The following KCNH1 variants were observed in gnomAD, a reference collection of about 807,000 sequenced individuals.
The protein encoded by KCNH1 is voltage-gated delayed rectifier potassium channel KCNH1.
Under a neutral mutation model 69.2 loss-of-function variants are expected in KCNH1, and 27 were observed. That is an observed-to-expected ratio of 0.39 (90% confidence interval 0.29 to 0.54). KCNH1 has a LOEUF of 0.54. Among genes scored for constraint, KCNH1 ranks in the 20% least tolerant of loss-of-function variants. The pLI, the probability that KCNH1 is intolerant of heterozygous loss-of-function variation, is 0.68. For synonymous variants in KCNH1, 456 were observed against 487.7 expected (o/e 0.93, Z 0.86); for missense variants, 798 against 1,261.6 (o/e 0.63, Z 5.57).
chr1:210,754,501 C>T (rs960824775), intron 10 of KCNH1, among the ~76,000 whole-genome samples: 3 of 151,726 alleles, frequency 2.0e-5, no homozygotes, highest in Non-Finnish European at 4.4e-5. Flanking sequence ...AGGTGGGGGC[C>T]GATAGGAGGT....
chr1:210,867,908 T>A (rs1686149939), intron 7 of KCNH1, among the ~76,000 whole-genome samples: 1 of 152,052 alleles, frequency 6.6e-6, no homozygotes, highest in Non-Finnish European at 1.5e-5. Flanking sequence ...CTAAAGTTTG[T>A]TTTGCACTCA....
In KCNH1 at chr1:211,048,102, C is replaced by T. The variant is rs537807133; in HGVS notation, c.559-28846G>A. Among the ~76,000 whole-genome samples, 123 of 152,144 alleles carry T rather than the reference C, an allele frequency of 8.1e-4. 8 individuals carry two copies. Among genetic ancestry groups the T allele is most frequent in the Non-Finnish European group, 2.8e-4 (19 of 68,016 alleles). On this transcript the variant is annotated intron_variant, in intron 5 of 10. Transcript: ENST00000271751. ...AAAAATGCTCAACATCACAAATTAT[C>T]AGGGAAATGCAAATCAAAACCACAA...
At chr1:210,873,398 C>T (rs1011618932) in intron 7 of KCNH1, among the ~76,000 whole-genome samples, 1 of 152,044 alleles carries the variant, frequency 6.6e-6, no homozygotes, top group African/African-American at 2.4e-5. Flanking sequence ...TCCAGGCTGG[C>T]GTTCAGTAGG....
chr1:211,133,770 G>T lies in KCNH1; in HGVS notation c.79+97C>A. The T allele has an allele frequency of 8.6e-7, 1 of 1,167,000 alleles. No individual in the cohort carries two copies. Among genetic ancestry groups the T allele is most frequent in the Non-Finnish European group, 1.3e-6 (1 of 795,526 alleles). The allele number at this position is 1,167,000 out of a possible 1,614,324, so 72.3% of individuals were successfully genotyped here. ...CCGCGGCTCCTTAGCAGAGCTCGCG[G>T]GTTCTGCTGCATCTGCTGGCTCCGA... On this transcript the variant is annotated intron_variant, in intron 1 of 10. Coordinates refer to ENST00000271751, the MANE Select transcript of KCNH1 (RefSeq NM_172362.3). This position sits in a 1 kb window ranked among gnomAD's most constrained non-coding sequence, Gnocchi z 5.4.
rs984171954 is a variant in KCNH1, at chr1:210,861,565, T to C, written c.1463-57399A>G. 6 of 772,208 alleles carry C rather than the reference T, an allele frequency of 7.8e-6. No individual in the cohort carries two copies. In the African/African-American group the frequency reaches 1.0e-4, roughly 13 times the overall value. The allele number at this position is 772,208 out of a possible 1,614,324, so 47.8% of individuals were successfully genotyped here. A position where few individuals can be genotyped will look rare whatever the true frequency, so the allele number is the denominator to read the frequency against. On this transcript the variant is annotated intron_variant, in intron 7 of 10. Coordinates refer to ENST00000271751, the MANE Select transcript of KCNH1 (RefSeq NM_172362.3). ...TTCGAAGTGTTTCAGTCTTTAAAAT[T>C]TCTACCCATTCTGTCAGGTTCTGTT... is the stretch of plus-strand genomic sequence containing the variant.
At chr1:211,049,180 G>C (rs1690147849) in intron 5 of KCNH1, among the ~76,000 whole-genome samples, 1 of 152,198 alleles carries the variant, frequency 6.6e-6, no homozygotes, top group Non-Finnish European at 1.5e-5. Flanking sequence ...GAACAGAAGA[G>C]AGATGTGTAA....
At chr1:211,009,782 T>C (rs1316518205) in intron 6 of KCNH1, among the ~76,000 whole-genome samples, 1 of 152,030 alleles carries the variant, frequency 6.6e-6, no homozygotes, top group African/African-American at 2.4e-5. Flanking sequence ...TTAATTTTTG[T>C]ATTTTTAGTA....
intron 5 of KCNH1, chr1:211,063,306 T>C (rs920422599): frequency 5.3e-5 from 8 of 151,984 alleles, no homozygotes; most frequent in African/African-American, 1.7e-4. Context: ...CTAGGAATGA[T>C]AGTAGTGGTG....
intron 5 of KCNH1, among the ~76,000 whole-genome samples, chr1:211,023,044 G>A (rs1689615481): frequency 6.6e-6 from 1 of 151,898 alleles, no homozygotes; most frequent in South Asian, 2.1e-4. Context: ...CCGGGAGGCA[G>A]AGGTTGTAGT....
intron 7 of KCNH1, among the ~76,000 whole-genome samples, chr1:210,881,555 A>C (rs769437643): frequency 7.2e-5 from 11 of 152,194 alleles, no homozygotes; most frequent in Non-Finnish European, 1.3e-4. Flanking sequence ...ATGTATTGGA[A>C]ACTTATGCCC....
intron 7 of KCNH1, among the ~76,000 whole-genome samples, chr1:210,883,219 C>T (rs978493009): frequency 5.5e-4 from 84 of 152,302 alleles, no homozygotes; most frequent in African/African-American, 1.9e-3. Context: ...AGCTCAGCAC[C>T]TTAGAGCAGC....
At chr1:210,917,137 CTG>C (rs1295548577) in intron 7 of KCNH1, among the ~76,000 whole-genome samples, 2 of 149,304 alleles carry the variant, frequency 1.3e-5, no homozygotes, top group Non-Finnish European at 3.0e-5. Flanking sequence ...CAGAGTGAGA[CTG>C]TGTCTCAAAA....
intron 10 of KCNH1, among the ~76,000 whole-genome samples, chr1:210,772,973 G>GT (rs962075503): frequency 2.0e-5 from 3 of 150,552 alleles, no homozygotes; most frequent in Non-Finnish European, 3.0e-5. Context: ...TGTCATTCTT[G>GT]TTTTTTTTTA....
intron 6 of KCNH1, among the ~76,000 whole-genome samples, chr1:210,930,555 A>G (rs1687662206): frequency 6.6e-6 from 1 of 152,230 alleles, no homozygotes; most frequent in African/African-American, 2.4e-5. Context: ...AAAGACTTAA[A>G]TCTAAGACCC....
chr1:210,998,727 A>C (rs1172397131), intron 6 of KCNH1, among the ~76,000 whole-genome samples: 4 of 152,094 alleles, frequency 2.6e-5, no homozygotes, highest in South Asian at 2.1e-4. Context: ...CAGCACCACA[A>C]CACACCTAAT....
intron 10 of KCNH1, among the ~76,000 whole-genome samples, chr1:210,690,318 T>C (rs1241903285): frequency 2.7e-4 from 41 of 152,160 alleles, no homozygotes; most frequent in Admixed American, 2.6e-3. Flanking sequence ...GTGCACACAC[T>C]GTATAGCTCC....
rs540915669 is a variant in KCNH1, at chr1:211,077,941, GA to G, written c.558+4838del. ...CTACTAAGCAAATGGAAAGCAAAAA[GA>G]AAAAAAAAAAAGCAGGGTTGCAATC... On this transcript the variant is annotated intron_variant, in intron 5 of 10. Transcript: ENST00000271751. Among the ~76,000 whole-genome samples, 1,050 of 116,760 alleles carry G rather than the reference GA, an allele frequency of 9.0e-3. 7 individuals are homozygous for G. The highest frequency in any genetic ancestry group is 0.033 in the South Asian group (123 of 3,698). The allele number at this position is 116,760 out of a possible 152,430, so 76.6% of individuals were successfully genotyped here. A position where few individuals can be genotyped will look rare whatever the true frequency, so the allele number is the denominator to read the frequency against.
At chr1:211,033,681 G>T (rs540428320) in intron 5 of KCNH1, among the ~76,000 whole-genome samples, 4 of 151,802 alleles carry the variant, frequency 2.6e-5, no homozygotes, top group Non-Finnish European at 5.9e-5. Flanking sequence ...ACAGAACACC[G>T]CATATTCTCA....
At chr1:210,947,994 G>T (rs550538935) in intron 6 of KCNH1, among the ~76,000 whole-genome samples, 10 of 151,342 alleles carry the variant, frequency 6.6e-5, no homozygotes, top group African/African-American at 2.4e-4. Flanking sequence ...GATTGCTTGA[G>T]CTCAGGAGTT....
Sources: allele counts gnomAD v4.1 joint callset (sites outside exome capture counted in the v4.1 genomes callset), GRCh38; gene constraint gnomAD v4.1.1; non-coding constraint Gnocchi (gnomAD v3.1); transcripts MANE v1.5; gene names NCBI Gene and HGNC (gene_info 2026-07-23, HGNC 2026-07-21).